CSMD1: variants seen among roughly 807,000 people sequenced by gnomAD.
CSMD1 encodes CUB and Sushi multiple domains 1, also known as CUB and sushi domain-containing protein 1.
In CSMD1, 213 loss-of-function variants were observed where a neutral mutation model predicts 417.5. The ratio of observed to expected loss-of-function variants is 0.51; its 90% CI spans 0.46 to 0.57. The LOEUF (loss-of-function observed/expected upper bound fraction) is 0.57. Ranked by LOEUF, CSMD1 falls within the 20% of genes least tolerant of loss-of-function variation. The pLI, the probability that CSMD1 is intolerant of heterozygous loss-of-function variation, is 0.00. For synonymous variants in CSMD1, 2,862 were observed against 1,736.8 expected, an observed-to-expected ratio of 1.65 and a Z score of -16.11; for missense variants, 6,923 against 4,529.7, an observed-to-expected ratio of 1.53 and a Z score of -15.17.
chr8:3,057,190 T>G (rs1812288773), intron 49 of CSMD1, among the ~76,000 whole-genome samples: 2 of 152,304 alleles, frequency 1.3e-5, no homozygotes, highest in South Asian at 2.1e-4. Context: ...GGTAAATACC[T>G]ATGAGTATCA....
chr8:4,315,778 CAT>C (rs1798888261), intron 3 of CSMD1, among the ~76,000 whole-genome samples: 1 of 147,490 alleles, frequency 6.8e-6, no homozygotes, highest in South Asian at 2.3e-4. Flanking sequence ...CATTTCAAAA[CAT>C]ATTTTGCATA....
At chr8:4,663,876 G>A (rs1051428396) in intron 1 of CSMD1, among the ~76,000 whole-genome samples, 2 of 152,168 alleles carry the variant, frequency 1.3e-5, no homozygotes, top group African/African-American at 4.8e-5. Flanking sequence ...GGCTGGATCA[G>A]GAAAAGCATC....
At chr8:4,288,761 C>G (rs888476614) in intron 3 of CSMD1, among the ~76,000 whole-genome samples, 1 of 152,174 alleles carries the variant, frequency 6.6e-6, no homozygotes, top group African/African-American at 2.4e-5. Context: ...CCTCCCAACT[C>G]TAAGATCTGA....
chr8:3,689,195 C>A (rs1461636481), intron 7 of CSMD1, among the ~76,000 whole-genome samples: 1 of 152,160 alleles, frequency 6.6e-6, no homozygotes, highest in African/African-American at 2.4e-5. Context: ...CAGGGAGCTG[C>A]ACACAAGTTC....
chr8:3,927,929 T>A (rs80312486), intron 5 of CSMD1, among the ~76,000 whole-genome samples: 1 of 152,100 alleles, frequency 6.6e-6, no homozygotes, highest in South Asian at 2.1e-4. Flanking sequence ...AAATTCTTTG[T>A]TTTGTTAGAT....
chr8:4,446,666 T>C lies in CSMD1; in HGVS notation c.303-26601A>G, dbSNP rs78462132. Among the ~76,000 whole-genome samples the C allele has an allele frequency of 8.2e-3, 1,253 of 152,132 alleles. 21 individuals carry two copies. The highest frequency in any genetic ancestry group is 0.029 in the African/African-American group (1,196 of 41,484). On this transcript the variant is annotated intron_variant, in intron 2 of 69. Transcript: ENST00000635120. Reference sequence around the variant, plus strand: ...CCTCCTAGATTTGAGCCATTCTCTGTCTCAGTCTCCTGAGTAGCTGCGATT... The same window carrying C: ...CCTCCTAGATTTGAGCCATTCTCTGCCTCAGTCTCCTGAGTAGCTGCGATT...
intron 2 of CSMD1, among the ~76,000 whole-genome samples, chr8:4,628,637 G>T (rs556938650): frequency 6.6e-6 from 1 of 151,598 alleles, no homozygotes; most frequent in South Asian, 2.1e-4. Context: ...CCTCACACAT[G>T]CCCTGCCAGG....
chr8:3,659,745 C>A (rs1825182), intron 7 of CSMD1, among the ~76,000 whole-genome samples: 1 of 151,940 alleles, frequency 6.6e-6, no homozygotes. Flanking sequence ...TCCCCCAACA[C>A]CCCTATGAAA....
intron 2 of CSMD1, among the ~76,000 whole-genome samples, chr8:4,436,431 T>C (rs1340656694): frequency 6.6e-6 from 1 of 152,182 alleles, no homozygotes; most frequent in Non-Finnish European, 1.5e-5. Flanking sequence ...TGTGTGTATT[T>C]GTGGGGTACA....
chr8:3,409,685 A>G, intron 12 of CSMD1, 80 bp from the exon 13 acceptor site: 1 of 1,159,952 alleles, frequency 8.6e-7, no homozygotes, highest in East Asian at 2.7e-5. Flanking sequence ...GAAAGTAAAT[A>G]CGTGGCTTCT....
intron 3 of CSMD1, among the ~76,000 whole-genome samples, chr8:4,066,296 C>G (rs1050460496): frequency 1.3e-5 from 2 of 152,130 alleles, no homozygotes; most frequent in African/African-American, 4.8e-5. Context: ...CGACCTTAAC[C>G]GTTTATGTCT....
intron 7 of CSMD1, among the ~76,000 whole-genome samples, chr8:3,706,658 A>ATTG (rs1801185767): frequency 6.6e-6 from 1 of 152,202 alleles, no homozygotes; most frequent in South Asian, 2.1e-4. Flanking sequence ...CTGATGCCCA[A>ATTG]ATGATCGGAT....
At chr8:4,730,967 T>G (rs564519229) in intron 1 of CSMD1, among the ~76,000 whole-genome samples, 1 of 152,208 alleles carries the variant, frequency 6.6e-6, no homozygotes, top group Non-Finnish European at 1.5e-5. Context: ...GGGGTGATTT[T>G]ACTCATTTAG....
At chr8:3,825,546 G>T (rs906158936) in intron 5 of CSMD1, among the ~76,000 whole-genome samples, 1 of 151,480 alleles carries the variant, frequency 6.6e-6, no homozygotes, top group African/African-American at 2.4e-5. Flanking sequence ...GCAGGTTCAG[G>T]GGTGTGGGGC....
At chr8:3,235,619 G>A (rs116852183) in intron 26 of CSMD1, among the ~76,000 whole-genome samples, 2,203 of 152,184 alleles carry the variant, frequency 0.014, 30 homozygotes, top group Non-Finnish European at 0.022. Flanking sequence ...TGTCATCATA[G>A]AGCACAGTTT....
intron 1 of CSMD1, among the ~76,000 whole-genome samples, chr8:4,692,939 G>A (rs908427771): frequency 2.6e-5 from 4 of 152,184 alleles, no homozygotes; most frequent in South Asian, 2.1e-4. Context: ...CTCATTGACA[G>A]TGGGCCAATC....
At chr8:3,358,055 A>C (rs2117702110) in intron 21 of CSMD1, among the ~76,000 whole-genome samples, 1 of 152,352 alleles carries the variant, frequency 6.6e-6, no homozygotes, top group Non-Finnish European at 1.5e-5. Flanking sequence ...CCAAAGGCAG[A>C]ATCAAAGAGA....
intron 6 of CSMD1, among the ~76,000 whole-genome samples, chr8:3,752,266 G>A (rs921352475): frequency 6.6e-6 from 1 of 152,110 alleles, no homozygotes. Flanking sequence ...AAAATTTCAG[G>A]GCAGCTTCTT....
chr8:3,587,960 C>T (rs1211961029), intron 8 of CSMD1, among the ~76,000 whole-genome samples: 1 of 152,038 alleles, frequency 6.6e-6, no homozygotes, highest in Non-Finnish European at 1.5e-5. Flanking sequence ...AAAACCCAGT[C>T]GTGATTCCCA....
Sources: gnomAD v4.1 joint callset for allele counts (sites outside exome capture counted in the v4.1 genomes callset) on GRCh38, gnomAD v4.1.1 for gene constraint, MANE v1.5 for transcripts, NCBI Gene and HGNC (gene_info 2026-07-23, HGNC 2026-07-21) for gene names.